Variants in SYT9 observed in about 807,000 individuals in gnomAD.
SYT9 encodes the protein synaptotagmin 9.
A neutral mutation model predicts 48.4 loss-of-function variants in SYT9; 22 were observed. The observed-to-expected ratio is 0.45, with a 90% confidence interval of 0.32 to 0.65. SYT9 has a LOEUF of 0.65. Among genes scored for constraint, SYT9 ranks in the 30% least tolerant of loss-of-function variants. The probability of loss-of-function intolerance (pLI) is 0.03; values close to 1 mark genes in which losing one functional copy is unlikely to be tolerated. For missense variants in SYT9, 577 were observed against 622.0 expected (o/e 0.93, Z 0.77); for synonymous variants, 265 against 245.0 (o/e 1.08, Z -0.76).
chr11:7,378,110 C>T (rs1240448661), intron 3 of SYT9, among the ~76,000 whole-genome samples: 1 of 44,458 alleles, frequency 2.2e-5, no homozygotes, highest in Middle Eastern at 0.01. Context: ...TCTGGGTCTT[C>T]AAAGATACAA....
At chr11:7,388,960 C>G (rs902625751) in intron 3 of SYT9, among the ~76,000 whole-genome samples, 1 of 152,102 alleles carries the variant, frequency 6.6e-6, no homozygotes, top group Non-Finnish European at 1.5e-5. Context: ...ACCACATCTC[C>G]CCTTCCCAGT....
At chr11:7,332,027 T>C (rs1161123618) in intron 3 of SYT9, among the ~76,000 whole-genome samples, 1 of 152,196 alleles carries the variant, frequency 6.6e-6, no homozygotes, top group Non-Finnish European at 1.5e-5. Context: ...CGTGTGAATC[T>C]TAATTTGGAA....
chr11:7,446,893 G>A (rs1048083067), intron 6 of SYT9, among the ~76,000 whole-genome samples: 2 of 152,184 alleles, frequency 1.3e-5, no homozygotes, highest in Non-Finnish European at 2.9e-5. Flanking sequence ...GATCCACTGG[G>A]CAGTGAGGAC....
Position 7,373,237 on chromosome 11 carries a change from G to A in SYT9, c.1045-42805G>A, listed in dbSNP as rs77590005. 8.1e-3 allele frequency among the ~76,000 whole-genome samples: 1,233 copies of A among 151,966 alleles called. 11 individuals carry two copies. The highest frequency in any genetic ancestry group is 0.027 in the African/African-American group (1,131 of 41,400). On this transcript the variant is annotated intron_variant, in intron 3 of 6. Coordinates refer to ENST00000318881, the MANE Select transcript of SYT9 (RefSeq NM_175733.4). Reference sequence around the variant, plus strand: ...TTTGATGGATATGCTTCCTTGTTTTGTGCATCTTTGTCTGATACTGGTTTC... The same window carrying A: ...TTTGATGGATATGCTTCCTTGTTTTATGCATCTTTGTCTGATACTGGTTTC...
intron 3 of SYT9, among the ~76,000 whole-genome samples, chr11:7,404,117 G>A (rs1183229053): frequency 6.6e-6 from 1 of 151,820 alleles, no homozygotes; most frequent in African/African-American, 2.4e-5. Flanking sequence ...TATTAGTATG[G>A]CATTTATTTT....
intron 1 of SYT9, among the ~76,000 whole-genome samples, chr11:7,298,788 T>C (rs1564852218): frequency 1.3e-5 from 2 of 152,168 alleles, no homozygotes; most frequent in Admixed American, 6.5e-5. Flanking sequence ...TCACGTCTTA[T>C]GGCTAGAGCT....
At chr11:7,446,919 AGC>A (rs1847944300) in intron 6 of SYT9, among the ~76,000 whole-genome samples, 2 of 152,112 alleles carry the variant, frequency 1.3e-5, no homozygotes, top group Non-Finnish European at 2.9e-5. Context: ...CCCTGAGGGG[AGC>A]TTGGGAGAGA....
intron 1 of SYT9, among the ~76,000 whole-genome samples, chr11:7,265,973 T>C (rs1251561710): frequency 6.6e-6 from 1 of 152,130 alleles, no homozygotes; most frequent in African/African-American, 2.4e-5. Context: ...GCCAATATGC[T>C]CACTTCTTGT....
intron 1 of SYT9, among the ~76,000 whole-genome samples, chr11:7,266,938 G>C (rs1848195104): frequency 6.6e-6 from 1 of 152,000 alleles, no homozygotes; most frequent in African/African-American, 2.4e-5. Context: ...TTAGGAAGTA[G>C]TTTCATTAAA....
intron 3 of SYT9, among the ~76,000 whole-genome samples, chr11:7,346,641 T>C (rs533083862): frequency 6.6e-6 from 1 of 152,350 alleles, no homozygotes; most frequent in South Asian, 2.1e-4. Context: ...ATTTCTTTTA[T>C]AGTAACTACA....
intron 6 of SYT9, among the ~76,000 whole-genome samples, chr11:7,466,260 T>C (rs1194194427): frequency 6.6e-6 from 1 of 152,168 alleles, no homozygotes; most frequent in Non-Finnish European, 1.5e-5. Flanking sequence ...CTCAATCCCT[T>C]TGAAGTTACT....
chr11:7,295,847 C>T (rs2133926227), intron 1 of SYT9, among the ~76,000 whole-genome samples: 1 of 152,182 alleles, frequency 6.6e-6, no homozygotes, highest in African/African-American at 2.4e-5. Context: ...ATTAGTAGTT[C>T]CTTGAGGGCA....
At chr11:7,324,021 T>C (rs1263852022) in intron 3 of SYT9, among the ~76,000 whole-genome samples, 1 of 151,968 alleles carries the variant, frequency 6.6e-6, no homozygotes. Flanking sequence ...AATAATCTTT[T>C]CTGTCAATGT....
At chr11:7,374,975 T>C (rs1850427000) in intron 3 of SYT9, among the ~76,000 whole-genome samples, 1 of 152,236 alleles carries the variant, frequency 6.6e-6, no homozygotes, top group Non-Finnish European at 1.5e-5. Flanking sequence ...TTTCGGTGTT[T>C]TAGTCATGAA....
At chr11:7,319,814 C>T (rs1446879763) in intron 3 of SYT9, among the ~76,000 whole-genome samples, 1 of 152,198 alleles carries the variant, frequency 6.6e-6, no homozygotes, top group Non-Finnish European at 1.5e-5. Context: ...CCACCAGAGA[C>T]TCACATTTAC....
intron 3 of SYT9, among the ~76,000 whole-genome samples, chr11:7,371,048 TTG>T (rs767597881): frequency 6.6e-6 from 1 of 152,166 alleles, no homozygotes; most frequent in Non-Finnish European, 1.5e-5. Flanking sequence ...CTTTTGTACT[TTG>T]TGTTTTTCCA....
chr11:7,404,573 AACTT>A (rs1846965260), intron 3 of SYT9, among the ~76,000 whole-genome samples: 1 of 152,196 alleles, frequency 6.6e-6, no homozygotes, highest in Non-Finnish European at 1.5e-5. Context: ...TAGTATAAGA[AACTT>A]ACAACAGTTT....
chr11:7,266,387 T>C (rs1848181952), intron 1 of SYT9, among the ~76,000 whole-genome samples: 1 of 152,074 alleles, frequency 6.6e-6, no homozygotes, highest in Admixed American at 6.6e-5. Context: ...AACTAGAAAG[T>C]CCCCCAAAGT....
chr11:7,394,273 C>T (rs922261817), intron 3 of SYT9, among the ~76,000 whole-genome samples: 2 of 152,034 alleles, frequency 1.3e-5, no homozygotes, highest in African/African-American at 2.4e-5. Context: ...CATCCATGTC[C>T]CTACAAAGGA....
Sources: allele counts gnomAD v4.1 joint callset (sites outside exome capture counted in the v4.1 genomes callset), GRCh38; gene constraint gnomAD v4.1.1; transcripts MANE v1.5; gene names NCBI Gene and HGNC (gene_info 2026-07-23, HGNC 2026-07-21).